The following FAM200C variants were observed in gnomAD, a reference collection of about 807,000 sequenced individuals.
the FAM200C span, chr5:160,395,091 T>C: frequency 6.2e-7 from 1 of 1,614,134 alleles, no homozygotes; most frequent in African/African-American, 1.3e-5. Context: ...TGAAGCTTTT[T>C]TTGTGCATCT....
the FAM200C span, chr5:160,395,207 G>A: frequency 2.5e-6 from 4 of 1,613,660 alleles, no homozygotes; most frequent in East Asian, 2.2e-5. Flanking sequence ...AAATTGATAC[G>A]ATGCTTGTAA....
the FAM200C span, among the ~76,000 whole-genome samples, chr5:160,398,157 G>A: frequency 6.6e-6 from 1 of 152,158 alleles, no homozygotes; most frequent in Admixed American, 6.5e-5. Context: ...CAGGAGAATC[G>A]CTTGAACCCA....
At chr5:160,399,023 A>G in the FAM200C span, among the ~76,000 whole-genome samples, 27 of 152,332 alleles carry the variant, frequency 1.8e-4, 1 homozygote, top group East Asian at 5.0e-3. Flanking sequence ...TGGAGATAAA[A>G]GAAATGACTG....
At chr5:160,398,102 T>C in the FAM200C span, among the ~76,000 whole-genome samples, 1 of 151,590 alleles carries the variant, frequency 6.6e-6, no homozygotes, top group Admixed American at 6.6e-5. Context: ...ATTAGCTGGG[T>C]GTGGTGGCGC....
chr5:160,396,124 C>T, the FAM200C span, among the ~76,000 whole-genome samples: 1 of 152,096 alleles, frequency 6.6e-6, no homozygotes, highest in Admixed American at 6.6e-5. Context: ...CTCATTATTT[C>T]TCATCTACTC....
At chr5:160,394,402 A>G in the FAM200C span, 5 of 1,613,470 alleles carry the variant, frequency 3.1e-6, no homozygotes, top group Non-Finnish European at 4.2e-6. Flanking sequence ...TTTCAAAGCC[A>G]TCAACTAAAT....
At chr5:160,393,960 T>C in the FAM200C span, 19 of 1,613,884 alleles carry the variant, frequency 1.2e-5, no homozygotes, top group Middle Eastern at 1.6e-4. Context: ...TCAAGCTTCA[T>C]TGTCTCAAAT....
the FAM200C span, chr5:160,397,627 AC>A: frequency 6.6e-6 from 1 of 152,238 alleles, no homozygotes; most frequent in Non-Finnish European, 1.5e-5. Flanking sequence ...AAGTGGATCT[AC>A]CAAGATGAAC....
At chr5:160,393,839 A>C in the FAM200C span, 1 of 1,613,664 alleles carries the variant, frequency 6.2e-7, no homozygotes, top group African/African-American at 1.3e-5. Context: ...GAAATGTAAA[A>C]GTGATGAAAA....
chr5:160,399,346 C>G, the FAM200C span, among the ~76,000 whole-genome samples: 1 of 152,130 alleles, frequency 6.6e-6, no homozygotes, highest in Admixed American at 6.5e-5. Context: ...TATATATATT[C>G]CAGCAGTGAA....
At chr5:160,396,827 G>C in the FAM200C span, among the ~76,000 whole-genome samples, 1 of 151,326 alleles carries the variant, frequency 6.6e-6, no homozygotes, top group African/African-American at 2.4e-5. Context: ...ATTTCATGAT[G>C]CTTTTCCACC....
At chr5:160,399,407 A>G in the FAM200C span, among the ~76,000 whole-genome samples, 2 of 152,224 alleles carry the variant, frequency 1.3e-5, no homozygotes, top group South Asian at 2.1e-4. Context: ...ATACAATTCA[A>G]CTTCTTTCTA....
the FAM200C span, chr5:160,393,506 G>T: frequency 1.8e-5 from 10 of 569,268 alleles, no homozygotes; most frequent in Middle Eastern, 9.4e-4. Context: ...TCTCATGATA[G>T]CAACTAGGCA....
At chr5:160,394,098 C>A in the FAM200C span, 1 of 1,613,342 alleles carries the variant, frequency 6.2e-7, no homozygotes, top group Non-Finnish European at 8.5e-7. Flanking sequence ...TTAAGATCTC[C>A]AATGGAAAAA....
the FAM200C span, among the ~76,000 whole-genome samples, chr5:160,397,988 C>CCCCA: frequency 3.7e-4 from 57 of 152,286 alleles, no homozygotes; most frequent in African/African-American, 1.3e-3. Context: ...ACGCCTGCTA[C>CCCCA]CCCAGCACTT....
the FAM200C span, chr5:160,394,435 C>T: frequency 6.2e-7 from 1 of 1,613,226 alleles, no homozygotes; most frequent in South Asian, 1.1e-5. Flanking sequence ...GGTGAAGAAA[C>T]TGATTTATTT....
the FAM200C span, chr5:160,400,034 C>G: frequency 2.6e-5 from 4 of 152,298 alleles, no homozygotes; most frequent in Non-Finnish European, 5.9e-5. Flanking sequence ...CAGCCAGGCC[C>G]GGGTTCCATC....
the FAM200C span, chr5:160,399,588 G>A: frequency 1.9e-4 from 29 of 152,224 alleles, no homozygotes; most frequent in African/African-American, 7.0e-4. Context: ...TCACTTACAG[G>A]ATGGGACCTT....
the FAM200C span, among the ~76,000 whole-genome samples, chr5:160,398,480 G>A: frequency 2.0e-5 from 3 of 152,222 alleles, no homozygotes; most frequent in African/African-American, 7.2e-5. Context: ...AGGTTGCAGT[G>A]AGCCGAGATG....
Sources: allele counts gnomAD v4.1 joint callset (sites outside exome capture counted in the v4.1 genomes callset), GRCh38; gene constraint gnomAD v4.1.1; transcripts MANE v1.5.